DLGAP1: variants seen among roughly 807,000 people sequenced by gnomAD.
DLGAP1 encodes disks large-associated protein 1.
A neutral mutation model predicts 90.8 loss-of-function variants in DLGAP1; 11 were observed. The ratio of observed to expected loss-of-function variants is 0.12; its 90% CI spans 0.08 to 0.20. The LOEUF is 0.20. Among genes scored for constraint, DLGAP1 ranks in the 10% least tolerant of loss-of-function variants. DLGAP1 has a pLI of 1.00. For synonymous variants in DLGAP1, 558 were observed against 540.7 expected, an observed-to-expected ratio of 1.03 and a Z score of -0.44; for missense variants, 1,050 against 1,333.8, an observed-to-expected ratio of 0.79 and a Z score of 3.31.
At chr18:3,740,931 ATCACCACCACTGCCACCACTG>A (rs1184675999) in intron 6 of DLGAP1, among the ~76,000 whole-genome samples, 1 of 139,408 alleles carries the variant, frequency 7.2e-6, no homozygotes, top group Admixed American at 7.2e-5. Flanking sequence ...CACCATGGTC[ATCACCACCACTGCCACCACTG>A]TCACCACCAC....
intron 7 of DLGAP1, among the ~76,000 whole-genome samples, chr18:3,715,502 C>T (rs1356590877): frequency 2.0e-5 from 3 of 152,158 alleles, no homozygotes; most frequent in Non-Finnish European, 4.4e-5. Flanking sequence ...CCTCTTTTAG[C>T]GTAGGTTTGT....
intron 5 of DLGAP1, among the ~76,000 whole-genome samples, chr18:3,756,607 A>G (rs1413707585): frequency 6.6e-6 from 1 of 152,164 alleles, no homozygotes; most frequent in Non-Finnish European, 1.5e-5. Flanking sequence ...AATGAAGCAT[A>G]TAATAGCTAT....
Position 3,583,138 on chromosome 18 carries a change from T to TGACCGACC in DLGAP1, c.1592-898_1592-891dup, listed in dbSNP as rs879430678. ...CCACCTTTCTGTCTTTCTGCCTGAC[T>TGACCGACC]GACCGACCTACCTACCTACCTACCT... is the stretch of plus-strand genomic sequence containing the variant. On this transcript the variant is annotated intron_variant, in intron 7 of 12. Transcript: ENST00000315677. Among the ~76,000 whole-genome samples, 917 of 138,924 alleles carry TGACCGACC rather than the reference T, an allele frequency of 6.6e-3. 9 individuals are homozygous for TGACCGACC. Among genetic ancestry groups the TGACCGACC allele is most frequent in the African/African-American group, 0.011 (399 of 37,148 alleles). 91.1% of individuals were successfully genotyped at this position (138,924 alleles called of 152,430 possible). A position where few individuals can be genotyped will look rare whatever the true frequency, so the allele number is the denominator to read the frequency against.
intron 2 of DLGAP1, among the ~76,000 whole-genome samples, chr18:4,041,898 T>C (rs2074980733): frequency 6.6e-6 from 1 of 152,202 alleles, no homozygotes; most frequent in Non-Finnish European, 1.5e-5. Flanking sequence ...TGTGAATCTT[T>C]TTGAAAAGAA....
intron 8 of DLGAP1, among the ~76,000 whole-genome samples, chr18:3,568,709 T>C (rs2054575262): frequency 1.3e-5 from 2 of 152,084 alleles, no homozygotes; most frequent in South Asian, 4.1e-4. Context: ...GTTTTTGAGA[T>C]GGAGTCTCAC....
At chr18:4,447,425 A>G (rs1226844260) in intron 1 of DLGAP1, among the ~76,000 whole-genome samples, 2 of 152,166 alleles carry the variant, frequency 1.3e-5, no homozygotes, top group African/African-American at 4.8e-5. Flanking sequence ...AAAGCAAAAC[A>G]AGACTATATT....
intron 2 of DLGAP1, among the ~76,000 whole-genome samples, chr18:4,073,341 A>G (rs1378840373): frequency 1.3e-5 from 2 of 152,288 alleles, no homozygotes; most frequent in East Asian, 3.9e-4. Context: ...CCTAGCACAC[A>G]CAGCTGTTTA....
intron 3 of DLGAP1, among the ~76,000 whole-genome samples, chr18:3,976,766 A>G (rs2073589777): frequency 6.6e-6 from 1 of 152,258 alleles, no homozygotes; most frequent in Admixed American, 6.5e-5. Flanking sequence ...AGCATTTAAT[A>G]TACAAGACAA....
chr18:4,080,267 A>C (rs1322597619), intron 2 of DLGAP1, among the ~76,000 whole-genome samples: 3 of 152,222 alleles, frequency 2.0e-5, no homozygotes, highest in African/African-American at 7.2e-5. Context: ...GTCTTAATGA[A>C]ATTTTATCAG....
intron 1 of DLGAP1, among the ~76,000 whole-genome samples, chr18:4,355,741 T>A: frequency 1.4e-5 from 1 of 72,952 alleles, no homozygotes; most frequent in African/African-American, 4.4e-5. Flanking sequence ...CAATCCGGGA[T>A]CTTTTTTTTT....
intron 7 of DLGAP1, among the ~76,000 whole-genome samples, chr18:3,702,154 C>T (rs1467837168): frequency 6.6e-6 from 1 of 152,114 alleles, no homozygotes; most frequent in Non-Finnish European, 1.5e-5. Context: ...CGGGTTCAAG[C>T]GATTCTCCTG....
intron 1 of DLGAP1, among the ~76,000 whole-genome samples, chr18:4,259,794 T>G (rs1598745501): frequency 6.6e-6 from 1 of 152,224 alleles, no homozygotes; most frequent in East Asian, 1.9e-4. Flanking sequence ...AGGGGTCTAT[T>G]GTGCCCTTAG....
At chr18:4,333,187 C>T (rs964733806) in intron 1 of DLGAP1, among the ~76,000 whole-genome samples, 12 of 151,980 alleles carry the variant, frequency 7.9e-5, no homozygotes, top group African/African-American at 9.7e-5. Flanking sequence ...CTGCTGATCT[C>T]GCTAGGTCAG....
chr18:4,055,542 G>GT (rs5822789), intron 2 of DLGAP1, among the ~76,000 whole-genome samples: 39,030 of 151,726 alleles, frequency 0.26, 5,618 homozygotes, highest in Middle Eastern at 0.49. Flanking sequence ...TGCAGTATTT[G>GT]TTTTTTTTGT....
chr18:3,715,440 T>C (rs910431162), intron 7 of DLGAP1, among the ~76,000 whole-genome samples: 1 of 152,222 alleles, frequency 6.6e-6, no homozygotes, highest in Non-Finnish European at 1.5e-5. Flanking sequence ...CGAGAAAGCA[T>C]TATCCTTTGT....
intron 3 of DLGAP1, among the ~76,000 whole-genome samples, chr18:3,977,434 GTTTTTTTTT>G (rs58599574): frequency 1.0e-5 from 1 of 95,332 alleles, no homozygotes; most frequent in Non-Finnish European, 2.0e-5. Context: ...TTTATTCTGT[GTTTTTTTTT>G]TTTTTTTTTT....
At chr18:4,199,502 T>C (rs1372437681) in intron 1 of DLGAP1, among the ~76,000 whole-genome samples, 1 of 152,206 alleles carries the variant, frequency 6.6e-6, no homozygotes, top group Non-Finnish European at 1.5e-5. Flanking sequence ...TAACTGTGAA[T>C]AATCCTGGTC....
chr18:4,087,338 C>T (rs969364521), intron 2 of DLGAP1, among the ~76,000 whole-genome samples: 2 of 152,014 alleles, frequency 1.3e-5, no homozygotes, highest in African/African-American at 4.8e-5. Context: ...AACAGGTTTA[C>T]CAGAATGAGG....
chr18:4,134,525 A>T (rs201436237), intron 2 of DLGAP1, among the ~76,000 whole-genome samples: 14,908 of 152,174 alleles, frequency 0.098, 879 homozygotes, highest in East Asian at 0.18. Flanking sequence ...GGCAGAGATA[A>T]TTCATTCAAG....
Sources: gnomAD v4.1 joint callset for allele counts (sites outside exome capture counted in the v4.1 genomes callset) on GRCh38, gnomAD v4.1.1 for gene constraint, MANE v1.5 for transcripts, NCBI Gene and HGNC (gene_info 2026-07-23, HGNC 2026-07-21) for gene names.